The following ERAP1 variants were observed in gnomAD, a reference collection of about 807,000 sequenced individuals.
ERAP1 encodes the protein adipocyte-derived leucine aminopeptidase.
ERAP1 carries 86 observed loss-of-function variants against 103.7 expected under a neutral mutation model. The ratio of observed to expected loss-of-function variants is 0.83; its 90% CI spans 0.70 to 0.99. The LOEUF (loss-of-function observed/expected upper bound fraction) is 0.99. Among genes scored for constraint, ERAP1 ranks in the 50% least tolerant of loss-of-function variants. The pLI is 0.00. For synonymous variants in ERAP1, 398 were observed against 402.4 expected, an observed-to-expected ratio of 0.99 and a Z score of 0.13; for missense variants, 1,009 against 1,128.4, an observed-to-expected ratio of 0.89 and a Z score of 1.52.
chr5:96,821,172 G>A, the ERAP1 span, among the ~76,000 whole-genome samples: 1 of 152,124 alleles, frequency 6.6e-6, no homozygotes, highest in African/African-American at 2.4e-5. Flanking sequence ...TTTCTCTTAA[G>A]ACCTTCAGCG....
the ERAP1 span, among the ~76,000 whole-genome samples, chr5:96,816,539 AAT>A: frequency 6.6e-6 from 1 of 152,170 alleles, no homozygotes; most frequent in Non-Finnish European, 1.5e-5. Context: ...AATCAACCTA[AAT>A]GTCCTTAATT....
chr5:96,845,842 T>A, the ERAP1 span, among the ~76,000 whole-genome samples: 1 of 152,188 alleles, frequency 6.6e-6, no homozygotes, highest in African/African-American at 2.4e-5. Context: ...AACTTTTGTA[T>A]ATGTTCTGAG....
the ERAP1 span, among the ~76,000 whole-genome samples, chr5:96,820,991 AAG>A: frequency 6.6e-6 from 1 of 152,182 alleles, no homozygotes; most frequent in Non-Finnish European, 1.5e-5. Context: ...AAGAGAGAAG[AAG>A]AGAGATTGAT....
chr5:96,857,745 A>C, the ERAP1 span, among the ~76,000 whole-genome samples: 3 of 152,228 alleles, frequency 2.0e-5, no homozygotes, highest in Non-Finnish European at 2.9e-5. Context: ...AACCATAGCC[A>C]TCATAAAGGA....
Position 96,775,010 on chromosome 5 carries a change from C to A in ERAP1, c.*1386G>T. On this transcript the variant is annotated 3_prime_UTR_variant, in exon 19 of 19. Coordinates refer to ENST00000443439, the MANE Select transcript of ERAP1 (RefSeq NM_001040458.3). Reference sequence around the variant, plus strand: ...CTCCTTTGCCAGGTGTGAGGATTTCCGCACCTTAGAGTCAGCGCAAAACAC... The same window carrying A: ...CTCCTTTGCCAGGTGTGAGGATTTCAGCACCTTAGAGTCAGCGCAAAACAC... 1.0e-6 allele frequency: 1 copy of A among 985,380 alleles called. No individual in the cohort carries two copies. The highest frequency in any genetic ancestry group is 1.2e-6 in the Non-Finnish European group (1 of 829,886). 61.0% of individuals were successfully genotyped at this position (985,380 alleles called of 1,614,324 possible).
chr5:96,924,567 A>G, the ERAP1 span, among the ~76,000 whole-genome samples: 387 of 152,310 alleles, frequency 2.5e-3, 5 homozygotes, highest in Admixed American at 0.022. Context: ...CTCTCTAGAA[A>G]GAGCAAGTCA....
the ERAP1 span, chr5:96,873,237 T>G: frequency 7.1e-3 from 2,813 of 398,354 alleles, 11 homozygotes; most frequent in Non-Finnish European, 0.01. Flanking sequence ...ATTTTGACAA[T>G]AAAGTCTCAT....
the ERAP1 span, chr5:96,903,389 T>A: frequency 6.2e-7 from 1 of 1,612,398 alleles, no homozygotes; most frequent in Non-Finnish European, 8.5e-7. Context: ...ACTCTGGATC[T>A]ACCTGAAAAG....
exon 20 of ERAP1, chr5:96,762,903 T>A: frequency 2.2e-6 from 1 of 451,370 alleles, no homozygotes; most frequent in Middle Eastern, 6.3e-4. Flanking sequence ...AACCTCAGCA[T>A]CAATATTGTT....
chr5:96,763,275 G>C (rs778641362), intron 19 of ERAP1: 2 of 780,294 alleles, frequency 2.6e-6, no homozygotes, highest in East Asian at 2.4e-5. Flanking sequence ...ACCTGGCCCC[G>C]GGCAGCTCTA....
At chr5:96,833,290 C>T in the ERAP1 span, among the ~76,000 whole-genome samples, 2 of 152,124 alleles carry the variant, frequency 1.3e-5, no homozygotes, top group Non-Finnish European at 2.9e-5. Flanking sequence ...TCTTTGTGTT[C>T]CATTATGCTT....
At chr5:96,849,042 T>C in the ERAP1 span, among the ~76,000 whole-genome samples, 1 of 152,132 alleles carries the variant, frequency 6.6e-6, no homozygotes, top group Admixed American at 6.5e-5. Flanking sequence ...ACCATCACAA[T>C]AGATGCAAAA....
the ERAP1 span, among the ~76,000 whole-genome samples, chr5:96,838,730 C>A: frequency 6.6e-6 from 1 of 152,110 alleles, no homozygotes; most frequent in African/African-American, 2.4e-5. Context: ...ACTGGAAAGG[C>A]CTCACAGAGG....
At chr5:96,903,543 T>G in the ERAP1 span, 1 of 1,605,172 alleles carries the variant, frequency 6.2e-7, no homozygotes, top group African/African-American at 1.3e-5. Flanking sequence ...TGATTCATGA[T>G]GTGTTTCAGC....
chr5:96,889,817 C>A, the ERAP1 span, among the ~76,000 whole-genome samples: 1 of 129,282 alleles, frequency 7.7e-6, no homozygotes. Context: ...ATGGATTTTC[C>A]ATTAAAAAAT....
chr5:96,879,890 CT>C, the ERAP1 span: 1 of 1,614,150 alleles, frequency 6.2e-7, no homozygotes. Flanking sequence ...GGAGCTAAGG[CT>C]CCCCAGTGTG....
chr5:96,877,878 G>A, the ERAP1 span, among the ~76,000 whole-genome samples: 2 of 152,156 alleles, frequency 1.3e-5, no homozygotes, highest in South Asian at 2.1e-4. Context: ...TTTTATTTTT[G>A]TTCCTTTAAC....
the ERAP1 span, among the ~76,000 whole-genome samples, chr5:96,877,694 G>C: frequency 6.6e-6 from 1 of 152,006 alleles, no homozygotes. Context: ...TGGGCACTCT[G>C]ATTCCAAAGC....
intron 8 of ERAP1, among the ~76,000 whole-genome samples, 161 bp downstream of exon 8, chr5:96,791,900 A>G (rs1310349183): frequency 1.3e-5 from 2 of 152,244 alleles, no homozygotes; most frequent in African/African-American, 4.8e-5. Context: ...TTATGAGCCA[A>G]ACTGCAAGTT....
Sources: gnomAD v4.1 joint callset for allele counts (sites outside exome capture counted in the v4.1 genomes callset) on GRCh38, gnomAD v4.1.1 for gene constraint, MANE v1.5 for transcripts, NCBI Gene and HGNC (gene_info 2026-07-23, HGNC 2026-07-21) for gene names.